The following TTC27 variants were observed in gnomAD, a reference collection of about 807,000 sequenced individuals.
The protein encoded by TTC27 is tetratricopeptide repeat domain 27.
A neutral mutation model predicts 115.9 loss-of-function variants in TTC27; 79 were observed. That is an observed-to-expected ratio of 0.68 (90% CI 0.57 to 0.82). The LOEUF (loss-of-function observed/expected upper bound fraction) is 0.82. TTC27 is among the 40% of genes least tolerant of loss of function. TTC27 has a pLI of 0.00. For synonymous variants in TTC27, 401 were observed against 356.0 expected, an observed-to-expected ratio of 1.13 and a Z score of -1.42; for missense variants, 1,054 against 993.1, an observed-to-expected ratio of 1.06 and a Z score of -0.82.
intron 5 of TTC27, 129 bp from the exon 6 acceptor site, chr2:32,664,174 C>T: frequency 2.6e-6 from 2 of 773,670 alleles, no homozygotes; most frequent in South Asian, 4.8e-5. Flanking sequence ...TTCCTCAGGT[C>T]TTATGTTTAA....
rs150586627 is a variant in TTC27, at chr2:32,767,443, G to GTTTTT, written c.1680+8929_1680+8933dup. Among the ~76,000 whole-genome samples the GTTTTT allele has an allele frequency of 1.7e-3, 190 of 112,132 alleles. 2 individuals are homozygous for GTTTTT. Among genetic ancestry groups the GTTTTT allele is most frequent in the Middle Eastern group, 0.01 (2 of 192 alleles). 73.6% of individuals were successfully genotyped at this position (112,132 alleles called of 152,430 possible). The stretch of plus-strand genomic sequence containing the variant: ...AAAGATACTAAGTGAATATTTATAA[G>GTTTTT]TTTTTTTTTGTTTTTTTTTTTTTTT... On this transcript the variant is annotated intron_variant, in intron 13 of 19. Coordinates refer to ENST00000317907, the MANE Select transcript of TTC27 (RefSeq NM_017735.5).
rs1356061274 is a variant in TTC27 at position 32,652,060 on chromosome 2, T to C, written c.640+1827T>C. On this transcript the variant is annotated intron_variant, in intron 5 of 19. Coordinates refer to ENST00000317907, the MANE Select transcript of TTC27 (RefSeq NM_017735.5). ...ACCCTCTCATACCAATATCCTTGTA[T>C]GCTTATGTATCTTTTTAAAAGGTAG... is the stretch of plus-strand genomic sequence containing the variant. 2.6e-5 allele frequency among the ~76,000 whole-genome samples: 4 copies of C among 152,250 alleles called. No homozygotes were observed. The East Asian group carries it at 7.7e-4, about 29-fold the overall frequency.
At chr2:32,804,896 A>G (rs1671078022) in intron 16 of TTC27, among the ~76,000 whole-genome samples, 1 of 152,182 alleles carries the variant, frequency 6.6e-6, no homozygotes, top group African/African-American at 2.4e-5. Flanking sequence ...CATGGGGGAA[A>G]TTCTAATTTT....
chr2:32,813,680 A>G (rs949358672), intron 18 of TTC27, among the ~76,000 whole-genome samples: 4 of 152,206 alleles, frequency 2.6e-5, no homozygotes, highest in South Asian at 2.1e-4. Context: ...AAAATTAAGA[A>G]CAAGGATAAA....
chr2:32,703,216 C>T (rs1242667341), intron 10 of TTC27, among the ~76,000 whole-genome samples: 1 of 152,162 alleles, frequency 6.6e-6, no homozygotes, highest in African/African-American at 2.4e-5. Flanking sequence ...CGCCTGTGAT[C>T]CCACCACTTT....
intron 13 of TTC27, chr2:32,766,562 G>A (rs1669634159): frequency 9.7e-6 from 3 of 308,500 alleles, no homozygotes; most frequent in African/African-American, 2.2e-5. Flanking sequence ...TAAGTTCACT[G>A]TCCTATATGT....
intron 1 of TTC27, 134 bp downstream of exon 1, chr2:32,628,514 T>G (rs1203122688): frequency 1.1e-6 from 1 of 921,226 alleles, no homozygotes; most frequent in African/African-American, 1.7e-5. Flanking sequence ...TTTGGGTCGT[T>G]TAGTCTTTGA....
chr2:32,783,106 G>A (rs986598952), intron 15 of TTC27, among the ~76,000 whole-genome samples: 1 of 152,042 alleles, frequency 6.6e-6, no homozygotes, highest in Non-Finnish European at 1.5e-5. Flanking sequence ...AAAATACTAC[G>A]CCATCTTATT....
intron 10 of TTC27, among the ~76,000 whole-genome samples, chr2:32,706,275 G>A (rs1293871449): frequency 6.6e-6 from 1 of 151,194 alleles, no homozygotes. Context: ...TAGAGACGGG[G>A]TTTCACCGTG....
At chr2:32,732,800 T>A (rs1299169982) in intron 10 of TTC27, among the ~76,000 whole-genome samples, 1 of 152,108 alleles carries the variant, frequency 6.6e-6, no homozygotes, top group African/African-American at 2.4e-5. Flanking sequence ...CATCAGGAAA[T>A]TAACATTGAC....
chr2:32,787,758 G>C (rs1453104262), intron 16 of TTC27, among the ~76,000 whole-genome samples: 1 of 152,078 alleles, frequency 6.6e-6, no homozygotes, highest in Non-Finnish European at 1.5e-5. Context: ...GTGATACTCT[G>C]AGATCATGCC....
intron 4 of TTC27, among the ~76,000 whole-genome samples, chr2:32,643,491 A>G (rs1664733540): frequency 6.6e-6 from 1 of 151,880 alleles, no homozygotes; most frequent in Non-Finnish European, 1.5e-5. Context: ...TACTTTTAGT[A>G]GAAATGGGAT....
chr2:32,733,912 T>A lies in TTC27; in HGVS notation c.1318T>A (p.Trp440Arg). 6.2e-7 allele frequency: 1 copy of A among 1,610,068 alleles called. No individual in the cohort carries two copies. Among genetic ancestry groups the A allele is most frequent in the Non-Finnish European group, 8.5e-7 (1 of 1,177,696 alleles). Residue 440 changes from tryptophan to arginine, a missense_variant, in exon 11 of 20, where the codon TGG becomes AGG. By Grantham distance (101) the Trp-to-Arg change is moderately radical (BLOSUM62 -3). Transcript: ENST00000317907. Reference sequence around the variant, plus strand: ...CTATTGCTGTCAAGTACCACCTCACTGGGCCATTCAGGTATTTCTGTTGTT... The same window carrying A: ...CTATTGCTGTCAAGTACCACCTCACAGGGCCATTCAGGTATTTCTGTTGTT... ...IFYCCQVPPH[W>R]AIQRQLASLL...
chr2:32,683,311 C>A (rs1413149009), intron 9 of TTC27, among the ~76,000 whole-genome samples: 1 of 152,018 alleles, frequency 6.6e-6, no homozygotes, highest in Non-Finnish European at 1.5e-5. Context: ...AATACTCCTA[C>A]CAGAAGTCTG....
chr2:32,681,271 T>G (rs1666414934), intron 9 of TTC27, among the ~76,000 whole-genome samples: 1 of 152,196 alleles, frequency 6.6e-6, no homozygotes, highest in African/African-American at 2.4e-5. Flanking sequence ...ACACATACTT[T>G]GGGCTTTGCA....
intron 15 of TTC27, among the ~76,000 whole-genome samples, chr2:32,786,281 C>A (rs11900646): frequency 0.12 from 17,848 of 151,950 alleles, 1,202 homozygotes; most frequent in Middle Eastern, 0.23. Flanking sequence ...GCCACCATGC[C>A]CAGCTGCTTT....
chr2:32,738,169 T>C (rs1046794002), intron 12 of TTC27, among the ~76,000 whole-genome samples: 7 of 152,188 alleles, frequency 4.6e-5, no homozygotes, highest in Non-Finnish European at 1.0e-4. Context: ...TGCGAGGTAG[T>C]ATGGCATGGT....
At chr2:32,698,459 T>A (rs201590272) in intron 9 of TTC27, among the ~76,000 whole-genome samples, 31 of 97,030 alleles carry the variant, frequency 3.2e-4, no homozygotes, top group East Asian at 1.5e-3. Flanking sequence ...TATTATTATT[T>A]TTTAGCATTT....
At chr2:32,787,815 A>AATAG (rs1670400039) in intron 16 of TTC27, among the ~76,000 whole-genome samples, 1 of 152,046 alleles carries the variant, frequency 6.6e-6, no homozygotes, top group African/African-American at 2.4e-5. Context: ...TCTCTAAATA[A>AATAG]ATAAATAAAT....
Sources: allele counts gnomAD v4.1 joint callset (sites outside exome capture counted in the v4.1 genomes callset), GRCh38; gene constraint gnomAD v4.1.1; transcripts MANE v1.5; gene names NCBI Gene and HGNC (gene_info 2026-07-23, HGNC 2026-07-21).